Variants in NTN1 observed in about 807,000 individuals in gnomAD.
The protein encoded by NTN1 is netrin-1.
Under a neutral mutation model 54.2 loss-of-function variants are expected in NTN1, and 11 were observed. That is an observed-to-expected ratio of 0.20 (90% CI 0.13 to 0.34). The LOEUF (loss-of-function observed/expected upper bound fraction) is 0.34. NTN1 is among the 10% of genes least tolerant of loss of function. The pLI, the probability that NTN1 is intolerant of heterozygous loss-of-function variation, is 1.00. For missense variants in NTN1, 740 were observed against 893.1 expected, an observed-to-expected ratio of 0.83 and a Z score of 2.18; for synonymous variants, 371 against 382.0, an observed-to-expected ratio of 0.97 and a Z score of 0.33.
chr17:9,118,294 T>C (rs1192729600), intron 2 of NTN1, among the ~76,000 whole-genome samples: 2 of 152,040 alleles, frequency 1.3e-5, no homozygotes, highest in East Asian at 1.9e-4. Context: ...CCGAGGTGGG[T>C]GGATCAACTG....
At chr17:9,003,593 G>A in the NTN1 span, among the ~76,000 whole-genome samples, 10 of 148,448 alleles carry the variant, frequency 6.7e-5, no homozygotes, top group African/African-American at 2.2e-4. The surrounding 1 kb of genome is among the most constrained non-coding windows in gnomAD (Gnocchi z 7.4). Flanking sequence ...GCCAGCCCCG[G>A]CCCTGCCGCG....
chr17:9,096,366 C>CTTT (rs1555567412), intron 2 of NTN1, among the ~76,000 whole-genome samples: 10 of 91,502 alleles, frequency 1.1e-4, no homozygotes, highest in Non-Finnish European at 1.4e-4. Context: ...TATGGGTAGA[C>CTTT]TTTTTTTTTT....
chr17:9,154,852 A>G (rs1319372548), intron 2 of NTN1, among the ~76,000 whole-genome samples: 1 of 152,166 alleles, frequency 6.6e-6, no homozygotes, highest in African/African-American at 2.4e-5. Flanking sequence ...GCATCTGCCC[A>G]CTGCCCCATC....
chr17:9,053,577 C>T (rs899753467), intron 2 of NTN1, among the ~76,000 whole-genome samples: 5 of 152,214 alleles, frequency 3.3e-5, no homozygotes, highest in East Asian at 1.9e-4. Context: ...CCAGCAGATT[C>T]GGATTCCCTG....
At chr17:9,187,219 C>T (rs768359496) in intron 5 of NTN1, among the ~76,000 whole-genome samples, 4 of 152,114 alleles carry the variant, frequency 2.6e-5, no homozygotes, top group Middle Eastern at 3.4e-3. Context: ...GAGTTGCTGG[C>T]GTGAGGACAG....
At chr17:9,023,854 A>G (rs2151507086) in intron 2 of NTN1, among the ~76,000 whole-genome samples, 1 of 152,320 alleles carries the variant, frequency 6.6e-6, no homozygotes, top group Admixed American at 6.5e-5. Flanking sequence ...ATGGCAAAGA[A>G]CTGTTTGTAG....
chr17:9,004,495 G>A, the NTN1 span, among the ~76,000 whole-genome samples: 1 of 152,240 alleles, frequency 6.6e-6, no homozygotes, highest in South Asian at 2.1e-4. Context: ...ATCCCTTCTG[G>A]ATCCGGTGAC....
intron 5 of NTN1, among the ~76,000 whole-genome samples, chr17:9,187,830 CAA>C (rs145501658): frequency 0.19 from 27,234 of 144,980 alleles, 2,557 homozygotes; most frequent in Non-Finnish European, 0.2. Context: ...GACCACATCT[CAA>C]AAAAAAAAAG....
chr17:9,178,201 GAA>G, intron 3 of NTN1, among the ~76,000 whole-genome samples: 1 of 152,214 alleles, frequency 6.6e-6, no homozygotes, highest in Non-Finnish European at 1.5e-5. Context: ...CATCTCAAAA[GAA>G]AAGAAAAACA....
chr17:9,114,160 A>ATATATATATATATATATATATATATAT (rs1310655092), intron 2 of NTN1, among the ~76,000 whole-genome samples: 1 of 94,388 alleles, frequency 1.1e-5, no homozygotes, highest in Non-Finnish European at 2.2e-5. Context: ...AAAGAAAAAA[A>ATATATATATATATATATATATATATAT]AAAAAAATAT....
At chr17:9,126,982 A>T (rs1345440966) in intron 2 of NTN1, among the ~76,000 whole-genome samples, 1 of 142,900 alleles carries the variant, frequency 7.0e-6, no homozygotes, top group African/African-American at 2.5e-5. Flanking sequence ...GGCCTGAGAT[A>T]GGGCAGCCGT....
chr17:9,087,029 T>C (rs1345016422), intron 2 of NTN1, among the ~76,000 whole-genome samples: 1 of 152,146 alleles, frequency 6.6e-6, no homozygotes, highest in Non-Finnish European at 1.5e-5. Context: ...TCATTTAATT[T>C]CCACCGTGAC....
chr17:9,048,367 T>C (rs2091947825), intron 2 of NTN1, among the ~76,000 whole-genome samples: 1 of 152,130 alleles, frequency 6.6e-6, no homozygotes, highest in African/African-American at 2.4e-5. Flanking sequence ...GCTTAAAATA[T>C]TAAGTACACC....
chr17:9,050,692 AC>A (rs1185497311), intron 2 of NTN1, among the ~76,000 whole-genome samples: 3 of 140,618 alleles, frequency 2.1e-5, no homozygotes, highest in Admixed American at 7.0e-5. Context: ...AAAAAAAAAA[AC>A]CCTAGCTGGA....
At chr17:9,227,846 G>A (rs991560824) in intron 6 of NTN1, among the ~76,000 whole-genome samples, 15 of 145,850 alleles carry the variant, frequency 1.0e-4, no homozygotes, top group South Asian at 2.2e-4. Context: ...ACGCATTATC[G>A]CACACATGCA....
chr17:9,046,123 G>A (rs1186932290), intron 2 of NTN1, among the ~76,000 whole-genome samples: 2 of 152,134 alleles, frequency 1.3e-5, no homozygotes, highest in Non-Finnish European at 2.9e-5. Context: ...ATGGGATGGG[G>A]GAAAATATTT....
Position 9,101,309 on chromosome 17 carries a change from C to A in NTN1, c.1019-61504C>A, listed in dbSNP as rs775465642. 2.0e-5 allele frequency among the ~76,000 whole-genome samples: 3 copies of A among 150,564 alleles called. No homozygotes were observed. The East Asian group carries it at 5.8e-4, about 29-fold the overall frequency. On this transcript the variant is annotated intron_variant, in intron 2 of 6. Transcript: ENST00000173229. ...TCCAGTCTATTTCAGGGAGTTGATT[C>A]GTGAGACTCTTAAACAAGACCAGAC...
chr17:9,023,406 G>GCGGCGGAGC lies in NTN1; in HGVS notation c.1018+22_1018+30dup. ...CGAGTGCGTGGGTGAGTGGGGTGCG[G>GCGGCGGAGC]CGGCGGAGCCGGCGGCGGGTGGGGC... On this transcript the variant is annotated intron_variant, in intron 2 of 6. Transcript: ENST00000173229. 1.5e-6 allele frequency: 2 copies of GCGGCGGAGC among 1,355,166 alleles called. No individual in the cohort carries two copies. The highest frequency in any genetic ancestry group is 6.0e-5 in the East Asian group (2 of 33,290). 83.9% of individuals were successfully genotyped at this position (1,355,166 alleles called of 1,614,324 possible).
chr17:9,161,918 C>G (rs143895653), intron 2 of NTN1, among the ~76,000 whole-genome samples: 1 of 129,712 alleles, frequency 7.7e-6, no homozygotes, highest in Non-Finnish European at 1.8e-5. Context: ...ACTCTGGGTT[C>G]AAGTGGAGAC....
Sources: allele counts gnomAD v4.1 joint callset (sites outside exome capture counted in the v4.1 genomes callset), GRCh38; gene constraint gnomAD v4.1.1; non-coding constraint Gnocchi (gnomAD v3.1); transcripts MANE v1.5; gene names NCBI Gene and HGNC (gene_info 2026-07-23, HGNC 2026-07-21).